Variants in ROBO2 observed in about 807,000 individuals in gnomAD.
The protein encoded by ROBO2 is roundabout guidance receptor 2.
ROBO2 carries 53 observed loss-of-function variants against 160.8 expected under a neutral mutation model. That is an observed-to-expected ratio of 0.33 (90% CI 0.26 to 0.41). The LOEUF (loss-of-function observed/expected upper bound fraction) is 0.41. Ranked by LOEUF, ROBO2 falls within the 10% of genes least tolerant of loss-of-function variation. The pLI, the probability that ROBO2 is intolerant of heterozygous loss-of-function variation, is 1.00. For synonymous variants in ROBO2, 664 were observed against 611.7 expected, an observed-to-expected ratio of 1.09 and a Z score of -1.26; for missense variants, 1,577 against 1,722.4, an observed-to-expected ratio of 0.92 and a Z score of 1.49.
At chr3:77,180,861 C>T (rs763237099) in intron 2 of ROBO2, among the ~76,000 whole-genome samples, 1 of 151,780 alleles carries the variant, frequency 6.6e-6, no homozygotes, top group Non-Finnish European at 1.5e-5. Context: ...ATAATATCTA[C>T]CCATAAAAAT....
chr3:76,055,194 A>G (rs1332388391), intron 2 of ROBO2, among the ~76,000 whole-genome samples: 5 of 151,998 alleles, frequency 3.3e-5, no homozygotes, highest in African/African-American at 1.2e-4. Flanking sequence ...CATGGAAAAA[A>G]CCGCCTCCAT....
intron 2 of ROBO2, among the ~76,000 whole-genome samples, chr3:75,974,986 A>G (rs991300384): frequency 6.6e-6 from 1 of 151,558 alleles, no homozygotes; most frequent in African/African-American, 2.4e-5. Context: ...CTGTCCTCAA[A>G]ATATAAATAA....
chr3:75,958,852 T>C (rs1271682292), intron 2 of ROBO2, among the ~76,000 whole-genome samples: 1 of 151,812 alleles, frequency 6.6e-6, no homozygotes, highest in Non-Finnish European at 1.5e-5. Context: ...ACCCACCTGG[T>C]AACTTTGAGT....
intron 1 of ROBO2, among the ~76,000 whole-genome samples, chr3:75,936,782 T>C (rs889727205): frequency 6.6e-6 from 1 of 151,998 alleles, no homozygotes; most frequent in African/African-American, 2.4e-5. Context: ...TTTTCATATA[T>C]CAATATGAAA....
At chr3:75,974,451 G>A (rs1371753330) in intron 2 of ROBO2, among the ~76,000 whole-genome samples, 1 of 151,624 alleles carries the variant, frequency 6.6e-6, no homozygotes, top group Non-Finnish European at 1.5e-5. Flanking sequence ...ACAGTCGAGA[G>A]TAGCTATACT....
intron 2 of ROBO2, among the ~76,000 whole-genome samples, chr3:76,193,651 G>T (rs565081017): frequency 1.3e-5 from 2 of 152,096 alleles, no homozygotes; most frequent in Non-Finnish European, 2.9e-5. Context: ...AAAATCTTTC[G>T]AAACTTACTC....
At chr3:75,983,445 T>C in intron 2 of ROBO2, among the ~76,000 whole-genome samples, 1 of 151,440 alleles carries the variant, frequency 6.6e-6, no homozygotes, top group East Asian at 1.9e-4. Flanking sequence ...AAAGTTATGA[T>C]AAACTTATGT....
intron 2 of ROBO2, among the ~76,000 whole-genome samples, chr3:77,171,987 T>C (rs1189302136): frequency 2.0e-5 from 3 of 152,228 alleles, no homozygotes; most frequent in Non-Finnish European, 4.4e-5. Context: ...ATGTAACTTA[T>C]TTAATTAATC....
chr3:76,560,842 T>A (rs922399941), intron 2 of ROBO2, among the ~76,000 whole-genome samples: 1 of 149,484 alleles, frequency 6.7e-6, no homozygotes, highest in Non-Finnish European at 1.5e-5. Context: ...TGGCCCTAAA[T>A]GGAATTAGTT....
At chr3:76,679,137 C>T (rs1312198716) in intron 2 of ROBO2, among the ~76,000 whole-genome samples, 1 of 152,078 alleles carries the variant, frequency 6.6e-6, no homozygotes, top group African/African-American at 2.4e-5. Context: ...TTGGCTTTTC[C>T]TCCACATAAT....
intron 2 of ROBO2, among the ~76,000 whole-genome samples, chr3:77,110,436 A>G (rs1166450790): frequency 6.6e-6 from 1 of 152,010 alleles, no homozygotes; most frequent in African/African-American, 2.4e-5. Context: ...ACATTGGTCT[A>G]TTTGACTTTC....
intron 2 of ROBO2, among the ~76,000 whole-genome samples, chr3:77,248,471 C>T (rs2089982614): frequency 6.6e-6 from 1 of 152,168 alleles, no homozygotes. Flanking sequence ...AAGCCATCTG[C>T]AGATGGCAAA....
intron 2 of ROBO2, among the ~76,000 whole-genome samples, chr3:76,169,320 T>G (rs772763239): frequency 1.1e-4 from 16 of 152,124 alleles, no homozygotes; most frequent in Non-Finnish European, 2.2e-4. Context: ...CTATGAAAAT[T>G]GGCAGATGAA....
At position 76,705,597 on chromosome 3, in the gene ROBO2, A is replaced by T. The variant is rs1436955820; in HGVS notation, c.110-392417A>T. 4.6e-5 allele frequency among the ~76,000 whole-genome samples: 7 copies of T among 152,114 alleles called. No homozygotes were observed. In the South Asian group the frequency reaches 1.4e-3, roughly 32 times the overall value. The stretch of plus-strand genomic sequence containing the variant: ...AGCAGTTTCAGTAGAATCATTGGGG[A>T]GAAACTAAAATGCAAAATATTTAGG... On this transcript the variant is annotated intron_variant, in intron 2 of 26. Coordinates refer to the ROBO2 transcript ENST00000487694.
intron 2 of ROBO2, among the ~76,000 whole-genome samples, chr3:77,151,765 A>C (rs546665385): frequency 1.3e-5 from 2 of 152,198 alleles, no homozygotes. Flanking sequence ...TATGTCTTGC[A>C]TTAAAAATTG....
intron 2 of ROBO2, among the ~76,000 whole-genome samples, chr3:77,307,305 T>C (rs1032866109): frequency 3.9e-5 from 6 of 152,238 alleles, no homozygotes; most frequent in Admixed American, 2.6e-4. Flanking sequence ...TTACTTTTTA[T>C]TTAATATTGG....
intron 2 of ROBO2, among the ~76,000 whole-genome samples, chr3:76,101,328 G>A (rs977243590): frequency 6.6e-6 from 1 of 152,088 alleles, no homozygotes; most frequent in Non-Finnish European, 1.5e-5. Flanking sequence ...AGACAGCAGT[G>A]CCAACCTTTA....
intron 1 of ROBO2, among the ~76,000 whole-genome samples, chr3:75,916,409 A>G (rs1381264621): frequency 1.3e-5 from 2 of 152,180 alleles, no homozygotes; most frequent in African/African-American, 4.8e-5. Context: ...CAAATGATCA[A>G]TGTATTATAC....
intron 2 of ROBO2, among the ~76,000 whole-genome samples, chr3:76,122,901 C>A (rs1368905086): frequency 6.6e-6 from 1 of 152,098 alleles, no homozygotes; most frequent in East Asian, 1.9e-4. Context: ...TGGATTGCCA[C>A]CACATCCGGC....
Sources: allele counts gnomAD v4.1 joint callset (sites outside exome capture counted in the v4.1 genomes callset), GRCh38; gene constraint gnomAD v4.1.1; transcripts MANE v1.5; gene names NCBI Gene and HGNC (gene_info 2026-07-23, HGNC 2026-07-21).